Variants in GLRA3 observed in about 807,000 individuals in gnomAD.
GLRA3 encodes glycine receptor subunit alpha-3.
In GLRA3, 44 loss-of-function variants were observed where a neutral mutation model predicts 60.4. The observed-to-expected ratio is 0.73, with a 90% CI of 0.57 to 0.94. The LOEUF (loss-of-function observed/expected upper bound fraction) is 0.94. GLRA3 is among the 40% of genes least tolerant of loss of function. The probability of loss-of-function intolerance (pLI) is 0.00; values close to 1 mark genes in which losing one functional copy is unlikely to be tolerated. For synonymous variants in GLRA3, 223 were observed against 192.9 expected (o/e 1.16, Z -1.29); for missense variants, 508 against 564.6 (o/e 0.90, Z 1.02).
chr4:174,827,767 C>T (rs566582179), intron 1 of GLRA3, among the ~76,000 whole-genome samples: 11 of 151,838 alleles, frequency 7.2e-5, no homozygotes, highest in African/African-American at 2.4e-4. Context: ...TATAAGGTAG[C>T]CCAAAGATGA....
At chr4:174,649,035 A>T (rs767481517) in intron 9 of GLRA3, among the ~76,000 whole-genome samples, 1 of 152,182 alleles carries the variant, frequency 6.6e-6, no homozygotes, top group Non-Finnish European at 1.5e-5. Flanking sequence ...AAAGGCACTG[A>T]CATAGGTTGC....
chr4:174,669,519 C>T (rs575088319), intron 7 of GLRA3, among the ~76,000 whole-genome samples: 5 of 152,108 alleles, frequency 3.3e-5, no homozygotes, highest in African/African-American at 1.2e-4. Flanking sequence ...ATAGTCATAA[C>T]CCTCAGTAAA....
chr4:174,729,825 T>TC lies in GLRA3; in HGVS notation c.268-1128dup, dbSNP rs561071602. 8.1e-4 allele frequency among the ~76,000 whole-genome samples: 123 copies of TC among 152,326 alleles called. 3 individuals carry two copies. The South Asian group carries it at 0.025, about 31-fold the overall frequency. On this transcript the variant is annotated intron_variant, in intron 3 of 9. Coordinates refer to ENST00000274093, the MANE Select transcript of GLRA3 (RefSeq NM_006529.4). ...ACTCACAAGAACTGAAAACCATTTT[T>TC]CATCTATTTTTCTATTTCTTGAATA...
intron 5 of GLRA3, chr4:174,713,611 A>G (rs1253530804): frequency 1.3e-5 from 2 of 152,114 alleles, no homozygotes; most frequent in Non-Finnish European, 2.9e-5. Context: ...TCTTTGCAGC[A>G]TTTGATTTTG....
intron 5 of GLRA3, among the ~76,000 whole-genome samples, chr4:174,684,262 A>G (rs1734468279): frequency 1.3e-5 from 2 of 152,176 alleles, no homozygotes; most frequent in South Asian, 4.1e-4. Context: ...GAAAATAAAT[A>G]ACAACTTGGG....
At chr4:174,812,543 G>C (rs1342841871) in intron 1 of GLRA3, among the ~76,000 whole-genome samples, 1 of 151,842 alleles carries the variant, frequency 6.6e-6, no homozygotes, top group Non-Finnish European at 1.5e-5. Context: ...TAGAACAAAG[G>C]AGAAAATTAA....
chr4:174,688,612 G>A (rs1236813831), intron 5 of GLRA3, among the ~76,000 whole-genome samples: 1 of 149,378 alleles, frequency 6.7e-6, no homozygotes, highest in Non-Finnish European at 1.5e-5. Flanking sequence ...GTGTGTGTGT[G>A]TGTGTGACGT....
chr4:174,692,266 T>TA (rs1734861887), intron 5 of GLRA3, among the ~76,000 whole-genome samples: 1 of 134,118 alleles, frequency 7.5e-6, no homozygotes, highest in East Asian at 2.1e-4. Flanking sequence ...GCGAGGGAGG[T>TA]GGGGGGGTCA....
chr4:174,797,938 T>A lies in GLRA3; in HGVS notation c.72-8995A>T, dbSNP rs564482866. 3.7e-4 allele frequency among the ~76,000 whole-genome samples: 55 copies of A among 148,360 alleles called. No homozygotes were observed. In the East Asian group the frequency reaches 5.5e-3, roughly 15 times the overall value. On this transcript the variant is annotated intron_variant, in intron 1 of 9. Coordinates refer to ENST00000274093, the MANE Select transcript of GLRA3 (RefSeq NM_006529.4). ...GACCCTATCTCAAAAAAAAAAAAAATGATAGGGGAGTAAAATATATTCACT... is the reference window on the plus strand; with the variant it reads ...GACCCTATCTCAAAAAAAAAAAAAAAGATAGGGGAGTAAAATATATTCACT...
chr4:174,710,671 T>C (rs759277394), intron 5 of GLRA3, among the ~76,000 whole-genome samples: 7 of 152,150 alleles, frequency 4.6e-5, no homozygotes, highest in Non-Finnish European at 1.0e-4. Context: ...TTCCTTTCCA[T>C]AACTATGACT....
chr4:174,807,331 C>T (rs980377785), intron 1 of GLRA3, among the ~76,000 whole-genome samples: 8 of 151,924 alleles, frequency 5.3e-5, no homozygotes, highest in Non-Finnish European at 1.0e-4. Context: ...TTTTCTTTCC[C>T]TTGCAGTGTT....
chr4:174,763,354 A>G (rs1302070333), intron 3 of GLRA3, among the ~76,000 whole-genome samples: 1 of 152,152 alleles, frequency 6.6e-6, no homozygotes, highest in Non-Finnish European at 1.5e-5. Context: ...TCACTCAACA[A>G]TTACAGCTTG....
chr4:174,639,491 G>A lies in GLRA3; in HGVS notation c.*4295C>T, dbSNP rs761945415. ...ATGTAGACCAAAAAAACAGGTAAGT[G>A]GGTCCTAGCTACTAACTTGGGATTA... On this transcript the variant is annotated 3_prime_UTR_variant, in exon 10 of 10. Coordinates refer to ENST00000274093, the MANE Select transcript of GLRA3 (RefSeq NM_006529.4). The A allele has an allele frequency of 6.6e-6, 1 of 151,800 alleles. No homozygotes were observed. Among genetic ancestry groups the A allele is most frequent in the Non-Finnish European group, 1.5e-5 (1 of 67,924 alleles). 9.4% of individuals were successfully genotyped at this position (151,800 alleles called of 1,614,324 possible).
At chr4:174,778,895 G>C (rs959748036) in intron 2 of GLRA3, among the ~76,000 whole-genome samples, 5 of 152,152 alleles carry the variant, frequency 3.3e-5, no homozygotes, top group African/African-American at 1.2e-4. Flanking sequence ...GGCTGGGGGA[G>C]GGGCGCCCGC....
intron 9 of GLRA3, among the ~76,000 whole-genome samples, chr4:174,644,475 G>A (rs900391417): frequency 6.6e-6 from 1 of 150,666 alleles, no homozygotes; most frequent in African/African-American, 2.5e-5. Flanking sequence ...CAGGATCATT[G>A]ACTGAATTTT....
chr4:174,689,756 T>TAAAAAAAAAA lies in GLRA3; in HGVS notation c.575-6827_575-6818dup, dbSNP rs553306775. 2.8e-4 allele frequency among the ~76,000 whole-genome samples: 11 copies of TAAAAAAAAAA among 39,540 alleles called. 1 individual carries two copies. Among genetic ancestry groups the TAAAAAAAAAA allele is most frequent in the Admixed American group, 4.0e-4 (1 of 2,494 alleles). 25.9% of individuals were successfully genotyped at this position (39,540 alleles called of 152,430 possible). On this transcript the variant is annotated intron_variant, in intron 5 of 9. Transcript: ENST00000274093. ...AAAGGCACAGAGTGGTAAGTCGCAT[T>TAAAAAAAAAA]AAAAAAAAAAAAAAAAAAAAAAAAA...
chr4:174,782,633 T>A (rs367571281), intron 2 of GLRA3, among the ~76,000 whole-genome samples: 3 of 152,008 alleles, frequency 2.0e-5, no homozygotes, highest in South Asian at 2.1e-4. Context: ...CAGGATACAA[T>A]ATCAATGTAC....
intron 1 of GLRA3, among the ~76,000 whole-genome samples, chr4:174,818,748 C>T (rs1376076307): frequency 6.6e-6 from 1 of 151,956 alleles, no homozygotes; most frequent in Non-Finnish European, 1.5e-5. Context: ...ATAAATAAAC[C>T]AGGAGGCAAG....
chr4:174,646,619 TAA>T (rs1316329245), intron 9 of GLRA3, among the ~76,000 whole-genome samples: 1 of 152,126 alleles, frequency 6.6e-6, no homozygotes, highest in African/African-American at 2.4e-5. Flanking sequence ...AAGGCAATCA[TAA>T]ACACCCTGAC....
Sources: allele counts gnomAD v4.1 joint callset (sites outside exome capture counted in the v4.1 genomes callset), GRCh38; gene constraint gnomAD v4.1.1; transcripts MANE v1.5; gene names NCBI Gene and HGNC (gene_info 2026-07-23, HGNC 2026-07-21).